CPNE7: variants seen among roughly 807,000 people sequenced by gnomAD.
CPNE7 encodes copine-7.
In CPNE7, 78 loss-of-function variants were observed where a neutral mutation model predicts 66.5. The observed-to-expected ratio is 1.17, with a 90% CI of 0.98 to 1.42. The LOEUF (loss-of-function observed/expected upper bound fraction) is 1.42, where lower values mean the gene tolerates loss of function less well. Among genes scored for constraint, CPNE7 ranks in the 40% most tolerant of loss-of-function variants. The probability of loss-of-function intolerance (pLI) is 0.00; values close to 1 mark genes in which losing one functional copy is unlikely to be tolerated. For missense variants in CPNE7, 1,012 were observed against 776.6 expected (o/e 1.30, Z -3.60); for synonymous variants, 468 against 336.7 (o/e 1.39, Z -4.27).
chr16:89,575,925 G>A lies in CPNE7; in HGVS notation c.28G>A (p.Ala10Thr). Reference sequence around the variant, plus strand: ...GAGCGCGGGCTCGGAGCGCGGGGCGGCGGCAACCCCCGGGGGTTTGCCCGC... The same window carrying A: ...GAGCGCGGGCTCGGAGCGCGGGGCGACGGCAACCCCCGGGGGTTTGCCCGC... Reference protein sequence around the residue: MSAGSERGAAATPGGLPAPC... With the variant: MSAGSERGATATPGGLPAPC... The change falls in exon 1 of 15, where the codon GCG becomes ACG. Residue 10 changes from alanine (A) to threonine (T), a missense_variant. By Grantham distance (58) the Ala-to-Thr change is moderately conservative (BLOSUM62 0). Coordinates refer to ENST00000319518, the MANE Select transcript of CPNE7 (RefSeq NM_153636.3). 1.6e-6 allele frequency: 2 copies of A among 1,263,640 alleles called. No individual in the cohort carries two copies. Among genetic ancestry groups the A allele is most frequent in the South Asian group, 2.7e-5 (1 of 37,456 alleles). The allele number at this position is 1,263,640 out of a possible 1,614,324, so 78.3% of individuals were successfully genotyped here. A position where few individuals can be genotyped will look rare whatever the true frequency, so the allele number is the denominator to read the frequency against.
Position 89,595,523 on chromosome 16 carries a change from G to C in CPNE7, c.1459G>C (p.Asp487His), listed in dbSNP as rs199914495. The C allele has an allele frequency of 3.7e-6, 6 of 1,612,616 alleles. No individual in the cohort carries two copies. The highest frequency in any genetic ancestry group is 5.1e-6 in the Non-Finnish European group (6 of 1,179,884). The change falls in exon 14 of 15, where the codon GAC (aspartate) becomes CAC (histidine). Residue 487 changes from aspartate to histidine, a missense_variant. By Grantham distance (81) the Asp-to-His change is moderately conservative (BLOSUM62 -1). Transcript: ENST00000319518. ...CGACATGCAGGTCCTGGACGGCGAC[G>C]ACGGCGTCCTGCGCTCCCCACGGGG... Reference protein sequence around the residue: ...FTDMQVLDGDDGVLRSPRGEP... With the variant: ...FTDMQVLDGDHGVLRSPRGEP...
chr16:89,582,432 G>A (rs1373268161), intron 2 of CPNE7, among the ~76,000 whole-genome samples: 1 of 152,234 alleles, frequency 6.6e-6, no homozygotes, highest in East Asian at 1.9e-4. Flanking sequence ...TGCCAGAAAG[G>A]GGAGGCCACT....
chr16:89,586,518 G>C (rs2059041123), intron 7 of CPNE7, 152 bp from the exon 8 acceptor site: 2 of 623,368 alleles, frequency 3.2e-6, no homozygotes, highest in Non-Finnish European at 5.7e-6. Flanking sequence ...GACCCACTCT[G>C]CCCCTTCCTG....
In CPNE7 at chr16:89,577,655, T is replaced by C; in HGVS notation, c.291T>C (p.His97=). ...QRLRFEVYDT[H]GPSGFSCQED... ...TGCGCTTTGAGGTGTACGACACGCA[T>C]GGGCCCAGCGGCTTCAGCTGTCAGG... The change falls in exon 2 of 15, where the codon CAT becomes CAC. Residue 97 remains histidine (H), a synonymous_variant. Transcript: ENST00000319518. 4 of 1,596,110 alleles carry C rather than the reference T, an allele frequency of 2.5e-6. No homozygotes were observed. The highest frequency in any genetic ancestry group is 1.1e-5 in the South Asian group (1 of 87,920).
At chr16:89,591,932 C>G (rs577710967) in intron 13 of CPNE7, among the ~76,000 whole-genome samples, 1 of 151,828 alleles carries the variant, frequency 6.6e-6, no homozygotes, top group Admixed American at 6.6e-5. Context: ...AACTCCTGAC[C>G]TCATGATCCA....
At chr16:89,588,516 A>G (rs1190685544) in intron 9 of CPNE7, among the ~76,000 whole-genome samples, 159 bp from the exon 10 acceptor site, 1 of 152,094 alleles carries the variant, frequency 6.6e-6, no homozygotes, top group Non-Finnish European at 1.5e-5. Context: ...GGCCCTGTGT[A>G]GCAGGTGGGT....
In CPNE7 at chr16:89,578,929, G is replaced by A. The variant is rs141048497; in HGVS notation, c.357+1208G>A. The A allele has an allele frequency of 1.4e-5, 22 of 1,613,768 alleles. No individual in the cohort carries two copies. In the Admixed American group the frequency reaches 1.7e-4, roughly 12 times the overall value. On this transcript the variant is annotated intron_variant, in intron 2 of 14. Coordinates refer to ENST00000319518, the MANE Select transcript of CPNE7 (RefSeq NM_153636.3). Reference sequence around the variant, plus strand: ...TGTGCTGGGCCCTGCTGGACACTGCGCTAAGCACTTCCTGTGCTGCACGGA... The same window carrying A: ...TGTGCTGGGCCCTGCTGGACACTGCACTAAGCACTTCCTGTGCTGCACGGA...
At chr16:89,578,352 G>A (rs929324160) in intron 2 of CPNE7, among the ~76,000 whole-genome samples, 90 of 151,622 alleles carry the variant, frequency 5.9e-4, no homozygotes, top group African/African-American at 2.2e-3. Flanking sequence ...CGTGAGCCAC[G>A]GTGCCCAGCC....
Position 89,575,892 on chromosome 16 carries a change from G to C in CPNE7, c.-6G>C. On this transcript the variant is annotated 5_prime_UTR_variant, in exon 1 of 15. Transcript: ENST00000319518. ...GCGCCCAGCCGGGCCCCCGAACGCC[G>C]GGAGCATGAGCGCGGGCTCGGAGCG... The C allele has an allele frequency of 1.6e-6, 2 of 1,217,320 alleles. No individual in the cohort carries two copies. Among genetic ancestry groups the C allele is most frequent in the Non-Finnish European group, 2.0e-6 (2 of 977,972 alleles). 75.4% of individuals were successfully genotyped at this position (1,217,320 alleles called of 1,614,324 possible).
chr16:89,596,356 G>A (rs1018059008), intron 14 of CPNE7, 128 bp from the exon 15 acceptor site: 6 of 1,295,926 alleles, frequency 4.6e-6, no homozygotes, highest in African/African-American at 1.5e-5. Flanking sequence ...ACCCAGGTGA[G>A]CCTCTGGTGG....
chr16:89,582,076 AGCACGTGTGCTGT>A (rs2058965917), intron 2 of CPNE7, among the ~76,000 whole-genome samples: 1 of 152,248 alleles, frequency 6.6e-6, no homozygotes, highest in Non-Finnish European at 1.5e-5. Flanking sequence ...TGTGTGTGTG[AGCACGTGTGCTGT>A]GGATATGTGC....
chr16:89,590,086 C>T (rs964502478), intron 11 of CPNE7, 135 bp downstream of exon 11: 57 of 993,592 alleles, frequency 5.7e-5, no homozygotes, highest in Non-Finnish European at 7.9e-5. Flanking sequence ...GGGTGCAAAG[C>T]GGGAACCCCA....
At chr16:89,579,096 C>G in intron 2 of CPNE7, 1 of 792,316 alleles carries the variant, frequency 1.3e-6, no homozygotes, top group Non-Finnish European at 1.9e-6. Context: ...CGAGACCAGC[C>G]TGGCCAACAT....
intron 10 of CPNE7, 67 bp from the exon 11 acceptor site, chr16:89,589,830 T>A: frequency 6.4e-7 from 1 of 1,568,442 alleles, no homozygotes; most frequent in Non-Finnish European, 8.8e-7. Flanking sequence ...CATGTCTCCC[T>A]AGAAGTGGCC....
chr16:89,588,563 C>A, intron 9 of CPNE7, 112 bp from the exon 10 acceptor site: 1 of 1,378,286 alleles, frequency 7.3e-7, no homozygotes, highest in Non-Finnish European at 1.0e-6. Flanking sequence ...TACCCACCTA[C>A]GCGACCCCTG....
chr16:89,596,558 A>G lies in CPNE7; in HGVS notation c.1614A>G (p.Arg538=), dbSNP rs751211275. Reference sequence around the variant, plus strand: ...AGGTGGTGGAGTACTACAGCCACAGAGGCCTGCCCCCGAGAAGCCTGGGTG... The same window carrying G: ...AGGTGGTGGAGTACTACAGCCACAGGGGCCTGCCCCCGAGAAGCCTGGGTG... ...PKQVVEYYSH[R]GLPPRSLGVP... Residue 538 remains arginine (R), a synonymous_variant, in exon 15 of 15, where the codon AGA becomes AGG. Transcript: ENST00000319518. The G allele has an allele frequency of 1.2e-6, 2 of 1,609,256 alleles. No homozygotes were observed. Among genetic ancestry groups the G allele is most frequent in the African/African-American group, 2.7e-5 (2 of 74,918 alleles).
At chr16:89,586,635 C>G in intron 7 of CPNE7, 35 bp from the exon 8 acceptor site, 1 of 1,575,870 alleles carries the variant, frequency 6.3e-7, no homozygotes, top group Non-Finnish European at 8.7e-7. Flanking sequence ...TTCAGAGCCA[C>G]CACTCTGGGG....
Position 89,595,507 on chromosome 16 carries a change from G to T in CPNE7, c.1443G>T (p.Gln481His). The change falls in exon 14 of 15, where the codon CAG becomes CAT. Residue 481 changes from glutamine to histidine, a missense_variant. Coordinates refer to ENST00000319518, the MANE Select transcript of CPNE7 (RefSeq NM_153636.3). The part of the protein sequence containing the change: ...GVGNADFTDM[Q>H]VLDGDDGVLR... The stretch of plus-strand genomic sequence containing the variant: ...GCAACGCCGACTTCACCGACATGCA[G>T]GTCCTGGACGGCGACGACGGCGTCC... The T allele has an allele frequency of 6.2e-7, 1 of 1,612,664 alleles. No individual in the cohort carries two copies.
chr16:89,575,976 C>A lies in CPNE7; in HGVS notation c.79C>A (p.Arg27=). The A allele has an allele frequency of 7.3e-7, 1 of 1,372,204 alleles. No individual in the cohort carries two copies. Among genetic ancestry groups the A allele is most frequent in the Non-Finnish European group, 9.4e-7 (1 of 1,061,824 alleles). The allele number at this position is 1,372,204 out of a possible 1,614,324, so 85.0% of individuals were successfully genotyped here. A position where few individuals can be genotyped will look rare whatever the true frequency, so the allele number is the denominator to read the frequency against. ...GCCCTGCGCCTCGAAGGTGGAGCTG[C>A]GGCTCAGCTGCCGGCACCTGCTGGA... The part of the protein sequence containing the change: ...PAPCASKVEL[R]LSCRHLLDRD... The change falls in exon 1 of 15, where the codon CGG becomes AGG. Residue 27 remains arginine, a synonymous_variant. Coordinates refer to ENST00000319518, the MANE Select transcript of CPNE7 (RefSeq NM_153636.3).
Sources: gnomAD v4.1 joint callset for allele counts (sites outside exome capture counted in the v4.1 genomes callset) on GRCh38, gnomAD v4.1.1 for gene constraint, MANE v1.5 for transcripts, NCBI Gene and HGNC (gene_info 2026-07-23, HGNC 2026-07-21) for gene names.